PAQR3: variants seen among roughly 807,000 people sequenced by gnomAD.
PAQR3 encodes the protein Raf kinase trapping to Golgi.
A neutral mutation model predicts 41.7 loss-of-function variants in PAQR3; 39 were observed. The observed-to-expected ratio is 0.93, with a 90% CI of 0.72 to 1.22. The LOEUF (loss-of-function observed/expected upper bound fraction) is 1.22. Ranked by LOEUF, PAQR3 falls within the 50% of genes most tolerant of loss-of-function variation. The pLI is 0.00. For missense variants in PAQR3, 366 were observed against 385.6 expected (o/e 0.95, Z 0.42); for synonymous variants, 140 against 140.6 (o/e 1.00, Z 0.03).
chr4:78,918,913 C>T lies in PAQR3; in HGVS notation c.*1626G>A. On this transcript the variant is annotated 3_prime_UTR_variant, in exon 6 of 6. Transcript: ENST00000512733. The stretch of plus-strand genomic sequence containing the variant: ...ACTGTTGCACCAAAATCTTCTATCA[C>T]TTAACATATGGATCAAAATTTTAAC... 1.0e-6 allele frequency: 1 copy of T among 984,978 alleles called. No individual in the cohort carries two copies. The highest frequency in any genetic ancestry group is 1.2e-6 in the Non-Finnish European group (1 of 829,676). 61.0% of individuals were successfully genotyped at this position (984,978 alleles called of 1,614,324 possible).
chr4:78,907,842 G>T (rs750039381), downstream of PAQR3, among the ~76,000 whole-genome samples: 1 of 152,126 alleles, frequency 6.6e-6, no homozygotes. Context: ...GGAGGTGTCC[G>T]TGAGCAGGCG....
chr4:78,906,633 G>C (rs137896639), intron 10 of PAQR3, among the ~76,000 whole-genome samples: 3 of 152,206 alleles, frequency 2.0e-5, no homozygotes, highest in Admixed American at 6.5e-5. Context: ...CAGTTCTGAA[G>C]TGGATCTCAG....
At chr4:78,904,678 T>A (rs1479378273) in intron 11 of PAQR3, among the ~76,000 whole-genome samples, 1 of 152,058 alleles carries the variant, frequency 6.6e-6, no homozygotes, top group East Asian at 1.9e-4. Flanking sequence ...GATAGTAGAA[T>A]TCAGCAGAAG....
downstream of PAQR3, among the ~76,000 whole-genome samples, chr4:78,909,799 C>T (rs949511730): frequency 6.6e-6 from 1 of 152,138 alleles, no homozygotes; most frequent in Non-Finnish European, 1.5e-5. Flanking sequence ...TGACTGTAAA[C>T]CCCTGAAAGC....
At chr4:78,892,370 G>T (rs943024540) in intron 11 of PAQR3, among the ~76,000 whole-genome samples, 1 of 152,142 alleles carries the variant, frequency 6.6e-6, no homozygotes, top group Non-Finnish European at 1.5e-5. Flanking sequence ...TTATTGACGT[G>T]AAGTTTTTAA....
intron 11 of PAQR3, among the ~76,000 whole-genome samples, chr4:78,898,575 T>C (rs1011848822): frequency 1.3e-5 from 2 of 150,456 alleles, no homozygotes; most frequent in South Asian, 2.1e-4. Context: ...GGAAAGACTG[T>C]AATCTTTCTA....
intron 2 of PAQR3, among the ~76,000 whole-genome samples, chr4:78,934,604 G>A (rs1001735372): frequency 3.9e-5 from 6 of 152,156 alleles, no homozygotes; most frequent in African/African-American, 1.4e-4. Flanking sequence ...AACAAATACA[G>A]GAGGTAGAGA....
downstream of PAQR3, chr4:78,911,528 G>A: frequency 1.2e-6 from 2 of 1,613,990 alleles, no homozygotes; most frequent in Admixed American, 1.7e-5. Flanking sequence ...AAAAGTAATG[G>A]GAAGCGGCAT....
chr4:78,920,275 T>G lies in PAQR3; in HGVS notation c.*264A>C, dbSNP rs1199740752. ...ATCCTATTTCAACACTAGTTTCCCA[T>G]TCATCGTTGTTATTCAGATGTTTCT... On this transcript the variant is annotated 3_prime_UTR_variant, in exon 6 of 6. Coordinates refer to ENST00000512733, the MANE Select transcript of PAQR3 (RefSeq NM_001040202.2). 5 of 1,111,322 alleles carry G rather than the reference T, an allele frequency of 4.5e-6. No individual in the cohort carries two copies. Among genetic ancestry groups the G allele is most frequent in the Middle Eastern group, 3.8e-4 (1 of 2,650 alleles). 68.8% of individuals were successfully genotyped at this position (1,111,322 alleles called of 1,614,324 possible). A position where few individuals can be genotyped will look rare whatever the true frequency, so the allele number is the denominator to read the frequency against.
chr4:78,887,212 G>T (rs368350914), exon 13 of PAQR3: 186 of 1,611,326 alleles, frequency 1.2e-4, no homozygotes, highest in Admixed American at 2.5e-4. Context: ...TAAGAATGTA[G>T]ACTCACTTTC....
chr4:78,910,752 G>A, downstream of PAQR3: 1 of 1,613,886 alleles, frequency 6.2e-7, no homozygotes, highest in Non-Finnish European at 8.5e-7. Context: ...AAGTGCAAAA[G>A]GGGAATGATG....
intron 10 of PAQR3, among the ~76,000 whole-genome samples, chr4:78,906,421 G>C (rs555276705): frequency 2.4e-4 from 37 of 152,200 alleles, no homozygotes; most frequent in African/African-American, 6.3e-4. Flanking sequence ...CCAGTTGCCC[G>C]TACTATTTGC....
In PAQR3 at chr4:78,913,167, C is replaced by G. The variant is rs1271900139; in HGVS notation, c.*7372G>C. 1 of 152,052 alleles carries G rather than the reference C, an allele frequency of 6.6e-6. No individual in the cohort carries two copies. Among genetic ancestry groups the G allele is most frequent in the African/African-American group, 2.4e-5 (1 of 41,426 alleles). 9.4% of individuals were successfully genotyped at this position (152,052 alleles called of 1,614,324 possible). A position where few individuals can be genotyped will look rare whatever the true frequency, so the allele number is the denominator to read the frequency against. ...GGTGGAGTAGTTTTAATAAAGTGCA[C>G]AGAATGGTGACACCCACAAAGCCTT... On this transcript the variant is annotated 3_prime_UTR_variant, in exon 6 of 6. Transcript: ENST00000512733.
intron 11 of PAQR3, among the ~76,000 whole-genome samples, chr4:78,905,097 T>C (rs1268570445): frequency 6.6e-6 from 1 of 151,880 alleles, no homozygotes; most frequent in Non-Finnish European, 1.5e-5. Context: ...GACTAATCTA[T>C]TGGTTCATTC....
chr4:78,902,134 C>T (rs540707515), intron 11 of PAQR3, among the ~76,000 whole-genome samples: 160 of 152,156 alleles, frequency 1.1e-3, no homozygotes, highest in African/African-American at 3.4e-3. Context: ...ATAATAGTTA[C>T]GATATACTGA....
In PAQR3 at chr4:78,939,174, G is replaced by A. The variant is rs1434465856; in HGVS notation, c.51C>T (p.Tyr17=). 1.2e-6 allele frequency: 2 copies of A among 1,611,940 alleles called. No individual in the cohort carries two copies. Among genetic ancestry groups the A allele is most frequent in the East Asian group, 2.2e-5 (1 of 44,510 alleles). Residue 17 remains tyrosine, a synonymous_variant, in exon 1 of 6, where the codon TAC becomes TAT. Transcript: ENST00000512733. ...KSAHYIELGS[Y]QYWPVLVPRG... ...GGGGCACCAGGACCGGCCAGTACTG[G>A]TAGCTGCCCAGCTCGATGTAATGCG... is the stretch of plus-strand genomic sequence containing the variant.
At chr4:78,928,475 C>G (rs1179355348) in intron 3 of PAQR3, among the ~76,000 whole-genome samples, 1 of 152,166 alleles carries the variant, frequency 6.6e-6, no homozygotes, top group African/African-American at 2.4e-5. Flanking sequence ...CTTACGTATT[C>G]AAATCAAATT....
downstream of PAQR3, chr4:78,911,625 C>T: frequency 6.2e-7 from 1 of 1,614,004 alleles, no homozygotes; most frequent in Admixed American, 1.7e-5. Context: ...AAGTGGGCCG[C>T]CGAGACTCTC....
At position 78,913,119 on chromosome 4, in the gene PAQR3, ATTATT is replaced by A. The variant is rs1420853877; in HGVS notation, c.*7415_*7419del. 6.6e-6 allele frequency: 1 copy of A among 151,232 alleles called. No individual in the cohort carries two copies. Among genetic ancestry groups the A allele is most frequent in the Non-Finnish European group, 1.5e-5 (1 of 67,874 alleles). 9.4% of individuals were successfully genotyped at this position (151,232 alleles called of 1,614,324 possible). A position where few individuals can be genotyped will look rare whatever the true frequency, so the allele number is the denominator to read the frequency against. ...AATATTCCCCAAGTCATAAGCAACA[ATTATT>A]TTTATTAGGTTTTGGGGGGTGGAGT... On this transcript the variant is annotated 3_prime_UTR_variant, in exon 6 of 6. Coordinates refer to ENST00000512733, the MANE Select transcript of PAQR3 (RefSeq NM_001040202.2).
Sources: allele counts gnomAD v4.1 joint callset (sites outside exome capture counted in the v4.1 genomes callset), GRCh38; gene constraint gnomAD v4.1.1; transcripts MANE v1.5; gene names NCBI Gene and HGNC (gene_info 2026-07-23, HGNC 2026-07-21).